Variants in STX12 observed in about 807,000 individuals in gnomAD.
The protein encoded by STX12 is syntaxin 12, also known as syntaxin-12.
Under a neutral mutation model 42.2 loss-of-function variants are expected in STX12, and 17 were observed. That is an observed-to-expected ratio of 0.40 (90% CI 0.28 to 0.60). The LOEUF is 0.60. Ranked by LOEUF, STX12 falls within the 20% of genes least tolerant of loss-of-function variation. STX12 has a pLI of 0.39. For synonymous variants in STX12, 108 were observed against 116.7 expected (o/e 0.93, Z 0.48); for missense variants, 297 against 330.9 (o/e 0.90, Z 0.79).
At chr1:27,803,872 G>A (rs1268351892) in intron 4 of STX12, among the ~76,000 whole-genome samples, 1 of 151,874 alleles carries the variant, frequency 6.6e-6, no homozygotes, top group Admixed American at 6.6e-5. Flanking sequence ...GTGGTAGCGC[G>A]TGCCTGTAAT....
At position 27,793,615 on chromosome 1, in the gene STX12, T is replaced by C. The variant is rs1283297828; in HGVS notation, c.271T>C (p.Leu91=). The C allele has an allele frequency of 6.2e-7, 1 of 1,613,930 alleles. No homozygotes were observed. Among genetic ancestry groups the C allele is most frequent in the Admixed American group, 1.7e-5 (1 of 60,002 alleles). The change falls in exon 3 of 9, where the codon TTA becomes CTA. Residue 91 remains leucine, a synonymous_variant. Transcript: ENST00000373943. ...LKELGSLPLP[L]STSEQRQQRL... ...AGAATTAGGGTCCTTGCCCCTTCCC[T>C]TATCTACTTCAGAACAGGTTGGTAT...
At chr1:27,778,036 T>G (rs2088638748) in intron 1 of STX12, among the ~76,000 whole-genome samples, 1 of 152,146 alleles carries the variant, frequency 6.6e-6, no homozygotes, top group Non-Finnish European at 1.5e-5. Flanking sequence ...CACACCCAAA[T>G]ATACCCTTAG....
chr1:27,800,145 C>G (rs2148603081), intron 3 of STX12, among the ~76,000 whole-genome samples: 1 of 152,324 alleles, frequency 6.6e-6, no homozygotes, highest in East Asian at 1.9e-4. Flanking sequence ...ACGTGTAGTT[C>G]CAACCAAACA....
chr1:27,776,212 T>TA (rs1324730909), intron 1 of STX12, among the ~76,000 whole-genome samples: 1 of 152,174 alleles, frequency 6.6e-6, no homozygotes, highest in African/African-American at 2.4e-5. Flanking sequence ...TTTGAGTACA[T>TA]ACTGTGTTCC....
chr1:27,779,123 G>A (rs538428266), intron 1 of STX12, among the ~76,000 whole-genome samples: 2 of 152,074 alleles, frequency 1.3e-5, no homozygotes, highest in Admixed American at 1.3e-4. Context: ...ATGTTTCTTT[G>A]CTATCCTCTT....
At position 27,803,816 on chromosome 1, in the gene STX12, A is replaced by G. The variant is rs547387272; in HGVS notation, c.426+2001A>G. ...CAGGAGTTCAAGACCAGCCTGGCCAACATGGTGAAACCCTGTCTCTACTAA... is the reference window on the plus strand; with the variant it reads ...CAGGAGTTCAAGACCAGCCTGGCCAGCATGGTGAAACCCTGTCTCTACTAA... On this transcript the variant is annotated intron_variant, in intron 4 of 8. Transcript: ENST00000373943. Among the ~76,000 whole-genome samples the G allele has an allele frequency of 2.0e-5, 3 of 152,210 alleles. No homozygotes were observed. The East Asian group carries it at 5.8e-4, about 29-fold the overall frequency.
chr1:27,799,477 G>GTTTTTTTTTTTTTTTTTTTTTTTT lies in STX12; in HGVS notation c.289-2190_289-2189insTTTTTTTTTTTTTTTTTTTTTTTT, dbSNP rs200472226. 3.8e-5 allele frequency among the ~76,000 whole-genome samples: 5 copies of GTTTTTTTTTTTTTTTTTTTTTTTT among 130,710 alleles called. 1 individual carries two copies. The highest frequency in any genetic ancestry group is 1.6e-4 in the African/African-American group (5 of 31,200). The allele number at this position is 130,710 out of a possible 152,430, so 85.8% of individuals were successfully genotyped here. A position where few individuals can be genotyped will look rare whatever the true frequency, so the allele number is the denominator to read the frequency against. On this transcript the variant is annotated intron_variant, in intron 3 of 8. Transcript: ENST00000373943. ...GGTTGAACCCCAAACTCATTAGCTTGTTTTTTTTTTTGTTTTTTTTTTTGA... is the reference window on the plus strand; with the variant it reads ...GGTTGAACCCCAAACTCATTAGCTTGTTTTTTTTTTTTTTTTTTTTTTTTTTTTTTTTTTTGTTTTTTTTTTTGA...
chr1:27,804,481 T>G (rs762267667), intron 4 of STX12, among the ~76,000 whole-genome samples: 3 of 150,172 alleles, frequency 2.0e-5, no homozygotes, highest in Non-Finnish European at 4.4e-5. Flanking sequence ...AAAAAATTAC[T>G]AAGGACCTGT....
At chr1:27,819,782 C>A in intron 8 of STX12, 50 bp downstream of exon 8, 4 of 1,511,030 alleles carry the variant, frequency 2.6e-6, no homozygotes, top group Non-Finnish European at 3.7e-6. Flanking sequence ...ACTTTTTAGG[C>A]CATCAGAGTA....
At chr1:27,793,961 G>A (rs1041128493) in intron 3 of STX12, among the ~76,000 whole-genome samples, 1 of 149,882 alleles carries the variant, frequency 6.7e-6, no homozygotes, top group Non-Finnish European at 1.5e-5. Flanking sequence ...TTGGCTAGCA[G>A]TTTTATGTTT....
intron 1 of STX12, among the ~76,000 whole-genome samples, chr1:27,784,744 G>C (rs1270694347): frequency 6.6e-6 from 1 of 152,158 alleles, no homozygotes; most frequent in Non-Finnish European, 1.5e-5. Flanking sequence ...CTACGACACT[G>C]TTGTCCTTAT....
At chr1:27,785,244 G>GGT (rs1398355940) in intron 1 of STX12, among the ~76,000 whole-genome samples, 1 of 151,952 alleles carries the variant, frequency 6.6e-6, no homozygotes, top group African/African-American at 2.4e-5. Flanking sequence ...TTTCTGGATG[G>GGT]GTGTGTGTGT....
chr1:27,791,064 C>T (rs1357773512), intron 2 of STX12, among the ~76,000 whole-genome samples: 1 of 152,094 alleles, frequency 6.6e-6, no homozygotes, highest in African/African-American at 2.4e-5. Context: ...AGTTCAAGAC[C>T]AGCCTGACCA....
chr1:27,798,079 T>C (rs570517968), intron 3 of STX12, among the ~76,000 whole-genome samples: 1 of 152,322 alleles, frequency 6.6e-6, no homozygotes, highest in South Asian at 2.1e-4. Context: ...AAATGAATTA[T>C]TATGTAAAGC....
chr1:27,799,640 C>T (rs1192495924), intron 3 of STX12, among the ~76,000 whole-genome samples: 4 of 151,672 alleles, frequency 2.6e-5, no homozygotes, highest in African/African-American at 7.3e-5. Context: ...CACGCCACCA[C>T]GCCTGGCTAA....
At chr1:27,803,262 T>A (rs2088838415) in intron 4 of STX12, among the ~76,000 whole-genome samples, 1 of 152,080 alleles carries the variant, frequency 6.6e-6, no homozygotes, top group African/African-American at 2.4e-5. Context: ...AAATCTCTAA[T>A]CTAGATACAT....
intron 1 of STX12, among the ~76,000 whole-genome samples, chr1:27,784,521 C>A (rs2088688098): frequency 6.6e-6 from 1 of 152,120 alleles, no homozygotes; most frequent in African/African-American, 2.4e-5. Flanking sequence ...TGCCTGGCCT[C>A]ACTTTTCTTT....
At chr1:27,807,452 G>T (rs1484773833) in intron 4 of STX12, among the ~76,000 whole-genome samples, 1 of 152,048 alleles carries the variant, frequency 6.6e-6, no homozygotes, top group Non-Finnish European at 1.5e-5. Context: ...CAAATGAAAA[G>T]GTACTCAGCT....
At chr1:27,798,994 T>C (rs370381267) in intron 3 of STX12, among the ~76,000 whole-genome samples, 1 of 152,000 alleles carries the variant, frequency 6.6e-6, no homozygotes, top group East Asian at 1.9e-4. Context: ...AAGAGTATGG[T>C]AACATGGAAA....
Sources: allele counts gnomAD v4.1 joint callset (sites outside exome capture counted in the v4.1 genomes callset), GRCh38; gene constraint gnomAD v4.1.1; transcripts MANE v1.5; gene names NCBI Gene and HGNC (gene_info 2026-07-23, HGNC 2026-07-21).